The following ABCG2 variants were observed in gnomAD, a reference collection of about 807,000 sequenced individuals.
The protein encoded by ABCG2 is ATP binding cassette subfamily G member 2 (JR blood group), also known as broad substrate specificity ATP-binding cassette transporter ABCG2.
Under a neutral mutation model 73.5 loss-of-function variants are expected in ABCG2, and 80 were observed. That is an observed-to-expected ratio of 1.09 (90% confidence interval 0.91 to 1.31). The LOEUF is 1.31. Among genes scored for constraint, ABCG2 ranks in the 50% most tolerant of loss-of-function variants. ABCG2 has a pLI of 0.00. For missense variants in ABCG2, 796 were observed against 786.2 expected, an observed-to-expected ratio of 1.01 and a Z score of -0.15; for synonymous variants, 269 against 282.4, an observed-to-expected ratio of 0.95 and a Z score of 0.48.
At position 88,097,452 on chromosome 4, in the gene ABCG2, C is replaced by G; in HGVS notation, c.1647+1G>C. Reference sequence around the variant, plus strand: ...TCAGAGCAAACACAGTTCAGACTCACCATCATAAACACAAAACAGATGGTC... The same window carrying G: ...TCAGAGCAAACACAGTTCAGACTCAGCATCATAAACACAAAACAGATGGTC... On this transcript the variant is annotated splice_donor_variant, in intron 13 of 15. Transcript: ENST00000237612. LOFTEE classifies it high-confidence loss of function. 6.2e-7 allele frequency: 1 copy of G among 1,613,858 alleles called. No homozygotes were observed. The highest frequency in any genetic ancestry group is 8.5e-7 in the Non-Finnish European group (1 of 1,179,888).
chr4:88,140,022 CAG>C lies in ABCG2; in HGVS notation c.-19-10_-19-9del. The C allele has an allele frequency of 6.2e-7, 1 of 1,606,624 alleles. No homozygotes were observed. Among genetic ancestry groups the C allele is most frequent in the Non-Finnish European group, 8.5e-7 (1 of 1,175,496 alleles). On this transcript the variant is annotated splice_polypyrimidine_tract_variant and intron_variant, in intron 1 of 15. Coordinates refer to ENST00000237612, the MANE Select transcript of ABCG2 (RefSeq NM_004827.3). The stretch of plus-strand genomic sequence containing the variant: ...TGGAGAGTTTTTATCTTTCTGCAGA[CAG>C]AAAAGCAATAGTAAGTTGATAGTCC...
intron 1 of ABCG2, among the ~76,000 whole-genome samples, chr4:88,144,449 C>CTTTTTTTTTTTT (rs59434855): frequency 3.9e-5 from 3 of 77,598 alleles, no homozygotes; most frequent in African/African-American, 1.7e-4. Context: ...CACATTTTTA[C>CTTTTTTTTTTTT]TTTTTTTTTT....
intron 1 of ABCG2, among the ~76,000 whole-genome samples, chr4:88,165,699 C>T (rs1185399505): frequency 6.6e-6 from 1 of 152,150 alleles, no homozygotes; most frequent in Non-Finnish European, 1.5e-5. Context: ...CATAGTGAAA[C>T]ACTGTCTCTA....
At chr4:88,131,362 A>G in intron 4 of ABCG2, 149 bp from the exon 5 acceptor site, 1 of 814,564 alleles carries the variant, frequency 1.2e-6, no homozygotes, top group South Asian at 1.8e-5. Flanking sequence ...TGCAAATGAC[A>G]GTTAACTCCA....
chr4:88,103,097 T>C (rs1467510648), intron 10 of ABCG2, among the ~76,000 whole-genome samples: 2 of 152,168 alleles, frequency 1.3e-5, no homozygotes, highest in Non-Finnish European at 1.5e-5. Context: ...TTTAAAAGTA[T>C]GTACATATAA....
At chr4:88,215,482 ACT>A (rs915782720) in intron 1 of ABCG2, among the ~76,000 whole-genome samples, 1 of 152,020 alleles carries the variant, frequency 6.6e-6, no homozygotes, top group Non-Finnish European at 1.5e-5. Flanking sequence ...GATTCAAAAA[ACT>A]CTCCTTTCAC....
rs190687130 is a variant in ABCG2, at chr4:88,167,062, A to G, written c.-19-27048T>C. 3.1e-3 allele frequency among the ~76,000 whole-genome samples: 469 copies of G among 152,202 alleles called. 5 individuals are homozygous for G. The highest frequency in any genetic ancestry group is 0.011 in the African/African-American group (441 of 41,544). On this transcript the variant is annotated intron_variant, in intron 1 of 15. Transcript: ENST00000515655. ...AACAATACCCATTTATTATCTCCCA[A>G]TTGTGGAGGTCAGAAGTCTAGGCTA...
Position 88,097,404 on chromosome 4 carries a change from T to C in ABCG2, c.1647+49A>G, listed in dbSNP as rs777377119. The C allele has an allele frequency of 3.1e-6, 5 of 1,592,748 alleles. No homozygotes were observed. The East Asian group carries it at 1.1e-4, about 36-fold the overall frequency. The stretch of plus-strand genomic sequence containing the variant: ...TGACAAGTGAATGTGCAGGAAGAAA[T>C]GAAGGAAAAAAACAATTCCTTATCA... On this transcript the variant is annotated intron_variant, in intron 13 of 15. Coordinates refer to ENST00000237612, the MANE Select transcript of ABCG2 (RefSeq NM_004827.3).
intron 1 of ABCG2, among the ~76,000 whole-genome samples, chr4:88,183,990 C>T (rs533380832): frequency 6.6e-6 from 1 of 152,242 alleles, no homozygotes; most frequent in South Asian, 2.1e-4. Flanking sequence ...GCTGAAAAAG[C>T]ATTTGCTAAC....
intron 1 of ABCG2, among the ~76,000 whole-genome samples, chr4:88,225,764 A>G (rs2110134093): frequency 6.6e-6 from 1 of 152,222 alleles, no homozygotes; most frequent in African/African-American, 2.4e-5. Flanking sequence ...CATACCCAAG[A>G]CTGGGTAATT....
chr4:88,211,261 T>C (rs1167271334), intron 1 of ABCG2, among the ~76,000 whole-genome samples: 1 of 151,196 alleles, frequency 6.6e-6, no homozygotes, highest in Non-Finnish European at 1.5e-5. Flanking sequence ...GCTTGTTTGT[T>C]ACATAAGCAG....
intron 5 of ABCG2, among the ~76,000 whole-genome samples, chr4:88,125,969 C>G (rs544799623): frequency 3.9e-5 from 6 of 151,998 alleles, no homozygotes; most frequent in African/African-American, 4.8e-5. Context: ...AGGAAAAAAC[C>G]CTTCAAACAA....
intron 10 of ABCG2, among the ~76,000 whole-genome samples, chr4:88,102,896 G>C (rs960347290): frequency 1.3e-5 from 2 of 152,084 alleles, no homozygotes; most frequent in African/African-American, 4.8e-5. Context: ...AAGGGAACAG[G>C]CTAGGGTCTT....
chr4:88,178,113 C>T (rs113912694), intron 1 of ABCG2, among the ~76,000 whole-genome samples: 2,841 of 152,196 alleles, frequency 0.019, 77 homozygotes, highest in African/African-American at 0.063. Flanking sequence ...AGTGCTTGCA[C>T]CAACCCTTAC....
intron 5 of ABCG2, among the ~76,000 whole-genome samples, chr4:88,130,548 C>T (rs1304882726): frequency 6.6e-6 from 1 of 152,052 alleles, no homozygotes; most frequent in African/African-American, 2.4e-5. Flanking sequence ...ATCCCCCCTA[C>T]CCTGGTCCAT....
intron 4 of ABCG2, 102 bp from the exon 5 acceptor site, chr4:88,131,315 T>A: frequency 1.6e-6 from 2 of 1,250,850 alleles, no homozygotes; most frequent in Non-Finnish European, 2.2e-6. Flanking sequence ...ATAACATAAC[T>A]AAGGTAAAGT....
At chr4:88,225,851 G>A (rs1166914081) in intron 1 of ABCG2, among the ~76,000 whole-genome samples, 1 of 152,188 alleles carries the variant, frequency 6.6e-6, no homozygotes, top group Non-Finnish European at 1.5e-5. Flanking sequence ...AATGATGGTG[G>A]AGGGCAAAAG....
intron 13 of ABCG2, among the ~76,000 whole-genome samples, chr4:88,096,511 A>G (rs1486619193): frequency 2.0e-5 from 3 of 152,222 alleles, no homozygotes; most frequent in Admixed American, 2.0e-4. Flanking sequence ...CAAGCCTATC[A>G]CTTCCTCATT....
At chr4:88,153,881 T>C (rs558967573) in intron 1 of ABCG2, among the ~76,000 whole-genome samples, 135 of 150,458 alleles carry the variant, frequency 9.0e-4, no homozygotes, top group African/African-American at 3.2e-3. Flanking sequence ...TCCTGAGGAG[T>C]AGTAGAATAG....
Sources: allele counts gnomAD v4.1 joint callset (sites outside exome capture counted in the v4.1 genomes callset), GRCh38; gene constraint gnomAD v4.1.1; transcripts MANE v1.5; gene names NCBI Gene and HGNC (gene_info 2026-07-23, HGNC 2026-07-21).